Variants in RMDN2 observed in about 807,000 individuals in gnomAD.
The protein encoded by RMDN2 is regulator of microtubule dynamics 2.
In RMDN2, 61 loss-of-function variants were observed where a neutral mutation model predicts 52.8. That is an observed-to-expected ratio of 1.16 (90% CI 0.94 to 1.43). The LOEUF (loss-of-function observed/expected upper bound fraction) is 1.43, where lower values mean the gene tolerates loss of function less well. RMDN2 is among the 40% of genes most tolerant of loss of function. The pLI is 0.00. For synonymous variants in RMDN2, 180 were observed against 153.1 expected (o/e 1.18, Z -1.30); for missense variants, 592 against 475.3 (o/e 1.25, Z -2.28).
At chr2:37,942,007 G>A (rs1667835078) in intron 2 of RMDN2, among the ~76,000 whole-genome samples, 1 of 151,974 alleles carries the variant, frequency 6.6e-6, no homozygotes, top group African/African-American at 2.4e-5. Context: ...CCACTTTTGT[G>A]CTTGAAACCC....
chr2:37,973,942 G>A (rs957944545), intron 2 of RMDN2, 98 bp from the exon 3 acceptor site: 12 of 946,182 alleles, frequency 1.3e-5, no homozygotes, highest in Non-Finnish European at 1.8e-5. Context: ...AGAGTTTCAA[G>A]CATAAGAGGG....
At chr2:37,994,285 A>G (rs927580947) in intron 7 of RMDN2, among the ~76,000 whole-genome samples, 7 of 152,234 alleles carry the variant, frequency 4.6e-5, no homozygotes, top group Non-Finnish European at 1.0e-4. Context: ...GGCATCGGAT[A>G]GATGAGCAGC....
At chr2:37,950,545 G>T in intron 2 of RMDN2, 1 of 1,613,096 alleles carries the variant, frequency 6.2e-7, no homozygotes, top group Non-Finnish European at 8.5e-7. Flanking sequence ...GGCCTAGAAG[G>T]GAAGGGAGAG....
intron 2 of RMDN2, among the ~76,000 whole-genome samples, chr2:37,963,816 C>G (rs2125028150): frequency 6.6e-6 from 1 of 152,302 alleles, no homozygotes; most frequent in South Asian, 2.1e-4. Context: ...GGCCCGTTCT[C>G]AATGAGCTGT....
chr2:38,010,488 A>G (rs901022050), intron 10 of RMDN2, among the ~76,000 whole-genome samples: 4 of 152,150 alleles, frequency 2.6e-5, no homozygotes, highest in Non-Finnish European at 5.9e-5. Flanking sequence ...GCAAGGCTCC[A>G]TGGGCATAGG....
At position 37,980,911 on chromosome 2, in the gene RMDN2, C is replaced by CA. The variant is rs138682570; in HGVS notation, c.731-371dup. Among the ~76,000 whole-genome samples the CA allele has an allele frequency of 3.9e-5, 6 of 152,226 alleles. No individual in the cohort carries two copies. In the East Asian group the frequency reaches 1.2e-3, roughly 29 times the overall value. ...TACATTTTATTCCCAGACACTCACA[C>CA]AGTATGGCACATAGTAGGTACTCAG... is the stretch of plus-strand genomic sequence containing the variant. On this transcript the variant is annotated intron_variant, in intron 4 of 10. Coordinates refer to ENST00000354545, the MANE Select transcript of RMDN2 (RefSeq NM_001170791.3).
At chr2:38,025,270 A>G (rs1055473024) in intron 10 of RMDN2, among the ~76,000 whole-genome samples, 2 of 152,048 alleles carry the variant, frequency 1.3e-5, no homozygotes, top group African/African-American at 4.8e-5. Context: ...GCTCTTATAT[A>G]TTATATTTTC....
intron 5 of RMDN2, among the ~76,000 whole-genome samples, chr2:37,984,772 G>C (rs1673776305): frequency 6.6e-6 from 1 of 151,942 alleles, no homozygotes; most frequent in African/African-American, 2.4e-5. Flanking sequence ...TAGTTAGAAT[G>C]ACCTCTAGAT....
At chr2:37,983,864 T>A (rs1673644470) in intron 5 of RMDN2, among the ~76,000 whole-genome samples, 2 of 152,226 alleles carry the variant, frequency 1.3e-5, no homozygotes, top group African/African-American at 4.8e-5. Context: ...AACTATAGCC[T>A]GCAGATGAAT....
At position 37,991,241 on chromosome 2, in the gene RMDN2, A is replaced by C; in HGVS notation, c.889A>C (p.Lys297Gln). ...LFKEHLDIAI[K>Q]LLPEEPFLYY... is the part of the protein sequence containing the mutation. Reference sequence around the variant, plus strand: ...TCAGGAACATCTAGATATAGCAATCAAACTTTTACCAGAGGAACCCTTTCT... The same window carrying C: ...TCAGGAACATCTAGATATAGCAATCCAACTTTTACCAGAGGAACCCTTTCT... Residue 297 changes from lysine (K) to glutamine (Q), a missense_variant, in exon 7 of 11, where the codon AAA becomes CAA. Lys to Gln is a moderately conservative substitution (Grantham distance 53). Transcript: ENST00000354545. 4 of 1,589,824 alleles carry C rather than the reference A, an allele frequency of 2.5e-6. No homozygotes were observed. Among genetic ancestry groups the C allele is most frequent in the Non-Finnish European group, 3.4e-6 (4 of 1,166,668 alleles).
chr2:37,951,330 A>T, intron 2 of RMDN2: 1 of 1,613,122 alleles, frequency 6.2e-7, no homozygotes, highest in Middle Eastern at 1.7e-4. Flanking sequence ...TTCACAACCA[A>T]GTATATCTCT....
chr2:37,957,762 G>GT (rs1669667591), intron 2 of RMDN2, among the ~76,000 whole-genome samples: 1 of 152,118 alleles, frequency 6.6e-6, no homozygotes, highest in African/African-American at 2.4e-5. Context: ...TTCTTCTAGG[G>GT]TTTTTATGGC....
Position 37,929,493 on chromosome 2 carries a change from A to G in RMDN2, c.216A>G (p.Gln72=), listed in dbSNP as rs1666548487. ...QGTTVIFQER[Q]LQILEKLNEL... is the part of the protein sequence containing the mutation. ...CAACAGTAATCTTTCAAGAAAGGCAACTTCAGATACTGGAGAAGTTAAACG... is the reference window on the plus strand; with the variant it reads ...CAACAGTAATCTTTCAAGAAAGGCAGCTTCAGATACTGGAGAAGTTAAACG... The change falls in exon 2 of 11, where the codon CAA becomes CAG. Residue 72 remains glutamine, a synonymous_variant. Coordinates refer to ENST00000354545, the MANE Select transcript of RMDN2 (RefSeq NM_001170791.3). The G allele has an allele frequency of 1.3e-6, 2 of 1,551,562 alleles. No individual in the cohort carries two copies. Among genetic ancestry groups the G allele is most frequent in the African/African-American group, 1.4e-5 (1 of 73,178 alleles).
chr2:37,934,733 C>G (rs866169930), intron 2 of RMDN2, among the ~76,000 whole-genome samples: 2 of 151,924 alleles, frequency 1.3e-5, no homozygotes, highest in Middle Eastern at 3.2e-3. Context: ...AAAATATACT[C>G]TTAAGGTCAC....
At position 38,042,443 on chromosome 2, in the gene RMDN2, C is replaced by CCA. The variant is rs1329820856; in HGVS notation, c.1714-24522_1714-24521dup. Reference sequence around the variant, plus strand: ...CACACACCACACACACACACACACACCACACACACACACACACATCAGGTT... The same window carrying CCA: ...CACACACCACACACACACACACACACCACACACACACACACACACATCAGGTT... On this transcript the variant is annotated intron_variant, in intron 10 of 10. Transcript: ENST00000234195. 5.5e-4 allele frequency among the ~76,000 whole-genome samples: 57 copies of CCA among 103,214 alleles called. 1 individual carries two copies. Among genetic ancestry groups the CCA allele is most frequent in the Non-Finnish European group, 7.9e-4 (32 of 40,512 alleles). 67.7% of individuals were successfully genotyped at this position (103,214 alleles called of 152,430 possible).
intron 2 of RMDN2, among the ~76,000 whole-genome samples, chr2:37,965,176 C>G (rs751133302): frequency 2.6e-4 from 39 of 152,234 alleles, no homozygotes; most frequent in Non-Finnish European, 5.0e-4. Context: ...TTTTAAAACC[C>G]ATTCTGCCAA....
At position 38,026,541 on chromosome 2, in the gene RMDN2, G is replaced by A. The variant is rs367779691; in HGVS notation, c.1713+22325G>A. On this transcript the variant is annotated intron_variant, in intron 10 of 10. Coordinates refer to the RMDN2 transcript ENST00000234195. Reference sequence around the variant, plus strand: ...TCTCTTTACTTTGGGTTTTATTTACGCTTCTAATTTCTTAAGGTGGGAGCT... The same window carrying A: ...TCTCTTTACTTTGGGTTTTATTTACACTTCTAATTTCTTAAGGTGGGAGCT... Among the ~76,000 whole-genome samples the A allele has an allele frequency of 1.1e-4, 16 of 151,392 alleles. No homozygotes were observed. In the East Asian group the frequency reaches 1.7e-3, roughly 16 times the overall value.
At chr2:38,039,381 C>T (rs749172630) in intron 10 of RMDN2, 5 of 152,190 alleles carry the variant, frequency 3.3e-5, no homozygotes, top group Non-Finnish European at 7.3e-5. Flanking sequence ...TTCAGTTCTT[C>T]CTGGGCACCC....
In RMDN2 at chr2:37,929,673, C is replaced by T; in HGVS notation, c.396C>T (p.Pro132=). Residue 132 remains proline, a synonymous_variant, in exon 2 of 11, where the codon CCC becomes CCT. Transcript: ENST00000354545. Reference sequence around the variant, plus strand: ...ACAGAGCGAGAAAAAGAAGACTCCCCACAATTCAAAGTTCAGCAACAAGTA... The same window carrying T: ...ACAGAGCGAGAAAAAGAAGACTCCCTACAATTCAAAGTTCAGCAACAAGTA... ...PQHRARKRRL[P]TIQSSATSNS... The T allele has an allele frequency of 1.3e-6, 2 of 1,534,326 alleles. No homozygotes were observed. Among genetic ancestry groups the T allele is most frequent in the Non-Finnish European group, 8.7e-7 (1 of 1,142,864 alleles).
Sources: gnomAD v4.1 joint callset for allele counts (sites outside exome capture counted in the v4.1 genomes callset) on GRCh38, gnomAD v4.1.1 for gene constraint, MANE v1.5 for transcripts, NCBI Gene and HGNC (gene_info 2026-07-23, HGNC 2026-07-21) for gene names.